The following GABRA2 variants were observed in gnomAD, a reference collection of about 807,000 sequenced individuals.
GABRA2 encodes the protein gamma-aminobutyric acid receptor subunit alpha-2.
A neutral mutation model predicts 48.7 loss-of-function variants in GABRA2; 16 were observed. The observed-to-expected ratio is 0.33, with a 90% CI of 0.22 to 0.50. GABRA2 has a LOEUF of 0.50. Ranked by LOEUF, GABRA2 falls within the 20% of genes least tolerant of loss-of-function variation. GABRA2 has a pLI of 0.98. For missense variants in GABRA2, 275 were observed against 535.6 expected, an observed-to-expected ratio of 0.51 and a Z score of 4.80; for synonymous variants, 185 against 184.5, an observed-to-expected ratio of 1.00 and a Z score of -0.02.
intron 8 of GABRA2, among the ~76,000 whole-genome samples, chr4:46,276,161 A>G (rs1230339157): frequency 1.3e-5 from 2 of 152,288 alleles, no homozygotes; most frequent in Middle Eastern, 3.4e-3. Flanking sequence ...TGCTTCATAT[A>G]TTCAATAAAG....
chr4:46,378,447 A>C (rs1243696544), intron 3 of GABRA2, among the ~76,000 whole-genome samples: 1 of 151,920 alleles, frequency 6.6e-6, no homozygotes, highest in African/African-American at 2.4e-5. Flanking sequence ...TGTTAAACAG[A>C]TGCTTGAAGG....
chr4:46,276,096 T>A (rs966945757), intron 8 of GABRA2, among the ~76,000 whole-genome samples: 6 of 151,912 alleles, frequency 3.9e-5, no homozygotes, highest in African/African-American at 1.5e-4. Flanking sequence ...CCAAAAATAA[T>A]CAAATCCAAA....
At position 46,245,767 on chromosome 4, in the gene GABRA2, G is replaced by T. The variant is rs888256593; in HGVS notation, c.*4541C>A. 6.6e-6 allele frequency among the ~76,000 whole-genome samples: 1 copy of T among 151,012 alleles called. No homozygotes were observed. The highest frequency in any genetic ancestry group is 2.4e-5 in the African/African-American group (1 of 41,312). ...TAAGACCCTATTAAAAGATCTTTGGGAACATTACTGTAAGCTGAAACATAA... is the reference window on the plus strand; with the variant it reads ...TAAGACCCTATTAAAAGATCTTTGGTAACATTACTGTAAGCTGAAACATAA... On this transcript the variant is annotated 3_prime_UTR_variant, in exon 10 of 10. Coordinates refer to ENST00000381620, the MANE Select transcript of GABRA2 (RefSeq NM_000807.4).
At chr4:46,265,866 T>C (rs1422840984) in intron 8 of GABRA2, among the ~76,000 whole-genome samples, 1 of 152,058 alleles carries the variant, frequency 6.6e-6, no homozygotes, top group Non-Finnish European at 1.5e-5. Context: ...ATAACATACG[T>C]TATTTTTTGT....
intron 8 of GABRA2, among the ~76,000 whole-genome samples, chr4:46,279,367 C>A (rs1324354868): frequency 2.0e-5 from 3 of 152,108 alleles, no homozygotes; most frequent in African/African-American, 7.2e-5. Context: ...CTGTCTGTAT[C>A]TATTACCTCT....
At position 46,375,856 on chromosome 4, in the gene GABRA2, C is replaced by T. The variant is rs572944150; in HGVS notation, c.187+10218G>A. ...TATTTCCAGCATTTAAAATAGTACC[C>T]GGCAAATCCTAAGCCCTTAGTAAGA... On this transcript the variant is annotated intron_variant, in intron 3 of 9. Transcript: ENST00000381620. 2.0e-5 allele frequency among the ~76,000 whole-genome samples: 3 copies of T among 152,246 alleles called. No individual in the cohort carries two copies. In the South Asian group the frequency reaches 6.2e-4, roughly 32 times the overall value.
chr4:46,297,468 T>C (rs1724935506), intron 8 of GABRA2, among the ~76,000 whole-genome samples: 1 of 116,980 alleles, frequency 8.5e-6, no homozygotes, highest in African/African-American at 3.3e-5. Flanking sequence ...TACTACTTAA[T>C]AAAATCCCAT....
intron 8 of GABRA2, among the ~76,000 whole-genome samples, chr4:46,300,922 T>A (rs1409033782): frequency 6.6e-6 from 1 of 152,092 alleles, no homozygotes; most frequent in African/African-American, 2.4e-5. Flanking sequence ...CCCTACCTCT[T>A]GTAATTTATA....
intron 7 of GABRA2, among the ~76,000 whole-genome samples, chr4:46,305,157 G>C (rs192089759): frequency 6.8e-6 from 1 of 147,952 alleles, no homozygotes; most frequent in African/African-American, 2.5e-5. Context: ...GCAAACTATC[G>C]CAAGGACAAA....
chr4:46,372,438 G>A (rs1250908310), intron 3 of GABRA2, among the ~76,000 whole-genome samples: 1 of 151,994 alleles, frequency 6.6e-6, no homozygotes, highest in Non-Finnish European at 1.5e-5. Context: ...AGCCATCTTG[G>A]GATCATGAGG....
At chr4:46,252,462 C>T (rs988522755) in intron 9 of GABRA2, among the ~76,000 whole-genome samples, 1 of 150,448 alleles carries the variant, frequency 6.6e-6, no homozygotes, top group African/African-American at 2.4e-5. Context: ...TAGGAAGTTC[C>T]TTTATTAACC....
chr4:46,272,116 C>A (rs565257742), intron 8 of GABRA2, among the ~76,000 whole-genome samples: 7 of 151,962 alleles, frequency 4.6e-5, no homozygotes, highest in Non-Finnish European at 1.0e-4. Flanking sequence ...CCTAATGCTG[C>A]AGTATATATA....
chr4:46,379,883 C>T (rs558531550), intron 3 of GABRA2, among the ~76,000 whole-genome samples: 25 of 152,290 alleles, frequency 1.6e-4, no homozygotes, highest in Admixed American at 2.0e-4. Flanking sequence ...ATCTTGCAAC[C>T]TACCTTTCCC....
At chr4:46,339,037 A>G (rs1228458150) in intron 3 of GABRA2, among the ~76,000 whole-genome samples, 11 of 151,894 alleles carry the variant, frequency 7.2e-5, no homozygotes, top group Non-Finnish European at 1.3e-4. Context: ...ACACAATGGA[A>G]TATAGCAATG....
At chr4:46,363,581 A>G (rs563003235) in intron 3 of GABRA2, 1 of 152,322 alleles carries the variant, frequency 6.6e-6, no homozygotes, top group East Asian at 1.9e-4. Flanking sequence ...TTTTGCAATG[A>G]AAGGCTTAAG....
At chr4:46,359,953 A>G (rs1578167363) in intron 3 of GABRA2, among the ~76,000 whole-genome samples, 1 of 152,096 alleles carries the variant, frequency 6.6e-6, no homozygotes, top group East Asian at 1.9e-4. Context: ...AAAAGCAGTG[A>G]TAAGTCCACT....
chr4:46,346,624 AT>A (rs1260978485), intron 3 of GABRA2, among the ~76,000 whole-genome samples: 18 of 148,326 alleles, frequency 1.2e-4, no homozygotes, highest in South Asian at 2.1e-4. Flanking sequence ...TAAATATTAT[AT>A]TTATTATATT....
chr4:46,315,936 C>CATAT (rs149528175), intron 4 of GABRA2, among the ~76,000 whole-genome samples: 5 of 150,678 alleles, frequency 3.3e-5, no homozygotes, highest in African/African-American at 9.8e-5. Context: ...ACATTTAGTA[C>CATAT]ATATATACAC....
At chr4:46,320,025 T>C (rs1309311783) in intron 4 of GABRA2, among the ~76,000 whole-genome samples, 1 of 151,838 alleles carries the variant, frequency 6.6e-6, no homozygotes, top group African/African-American at 2.4e-5. Flanking sequence ...CTAAATACCA[T>C]GGTCTTTTCA....
Sources: gnomAD v4.1 joint callset for allele counts (sites outside exome capture counted in the v4.1 genomes callset) on GRCh38, gnomAD v4.1.1 for gene constraint, MANE v1.5 for transcripts, NCBI Gene and HGNC (gene_info 2026-07-23, HGNC 2026-07-21) for gene names.